The following DZIP3 variants were observed in gnomAD, a reference collection of about 807,000 sequenced individuals.
DZIP3 encodes E3 ubiquitin-protein ligase DZIP3.
A neutral mutation model predicts 162.0 loss-of-function variants in DZIP3; 118 were observed. The observed-to-expected ratio is 0.73, with a 90% CI of 0.63 to 0.85. DZIP3 has a LOEUF of 0.85. Ranked by LOEUF, DZIP3 falls within the 40% of genes least tolerant of loss-of-function variation. The probability of loss-of-function intolerance (pLI) is 0.00; values close to 1 mark genes in which losing one functional copy is unlikely to be tolerated. For missense variants in DZIP3, 1,331 were observed against 1,407.0 expected (o/e 0.95, Z 0.86); for synonymous variants, 438 against 458.6 (o/e 0.96, Z 0.57).
At chr3:108,673,849 C>A (rs957023241) in intron 23 of DZIP3, among the ~76,000 whole-genome samples, 2 of 151,902 alleles carry the variant, frequency 1.3e-5, no homozygotes, top group Non-Finnish European at 2.9e-5. Flanking sequence ...TTTGAAAAGA[C>A]ATGATCTGGA....
intron 29 of DZIP3, 132 bp downstream of exon 29, chr3:108,688,228 T>A: frequency 8.8e-7 from 1 of 1,136,960 alleles, no homozygotes; most frequent in Non-Finnish European, 1.2e-6. Flanking sequence ...CTATTAACAG[T>A]AAATAACAAC....
rs1452081019 is a variant in DZIP3, at chr3:108,694,118, CAG to C, written c.*767_*768del. ...GGGGAAGAATAAATGTTTCCTGACT[CAG>C]AAACAATTTTGCCTCCATATTTCAG... On this transcript the variant is annotated 3_prime_UTR_variant, in exon 33 of 33. Transcript: ENST00000361582. The C allele has an allele frequency of 6.6e-6, 1 of 152,042 alleles. No individual in the cohort carries two copies. Among genetic ancestry groups the C allele is most frequent in the Non-Finnish European group, 1.5e-5 (1 of 68,000 alleles). The allele number at this position is 152,042 out of a possible 1,614,324, so 9.4% of individuals were successfully genotyped here.
At chr3:108,660,693 C>T (rs1412418983) in intron 19 of DZIP3, among the ~76,000 whole-genome samples, 2 of 152,068 alleles carry the variant, frequency 1.3e-5, no homozygotes, top group Admixed American at 1.3e-4. Flanking sequence ...CCATCAGAGT[C>T]AACAGGCAAC....
chr3:108,612,241 A>G (rs1481464529), intron 4 of DZIP3, among the ~76,000 whole-genome samples: 1 of 152,274 alleles, frequency 6.6e-6, no homozygotes, highest in East Asian at 1.9e-4. Flanking sequence ...TGAGAAGGCT[A>G]CATTTGTCTT....
chr3:108,657,894 G>A (rs1475049979), intron 19 of DZIP3, among the ~76,000 whole-genome samples: 1 of 152,098 alleles, frequency 6.6e-6, no homozygotes, highest in East Asian at 1.9e-4. Flanking sequence ...AGACAAAGAA[G>A]GTCTTTACAT....
rs373711969 is a variant in DZIP3 at position 108,672,611 on chromosome 3, C to T, written c.2544C>T (p.Tyr848=). 1.7e-5 allele frequency: 28 copies of T among 1,611,644 alleles called. No homozygotes were observed. Among genetic ancestry groups the T allele is most frequent in the Admixed American group, 5.0e-5 (3 of 59,706 alleles). Residue 848 remains tyrosine (Y), a synonymous_variant, in exon 23 of 33, where the codon TAC becomes TAT. Coordinates refer to ENST00000361582, the MANE Select transcript of DZIP3 (RefSeq NM_014648.4). The part of the protein sequence containing the change: ...KHNLESTMKT[Y]VSKLNAETSR... Reference sequence around the variant, plus strand: ...ATCTGGAAAGCACAATGAAAACATACGTAAGCAAACTGAACGCAGAAACTA... The same window carrying T: ...ATCTGGAAAGCACAATGAAAACATATGTAAGCAAACTGAACGCAGAAACTA...
At chr3:108,608,785 A>G (rs1395627016) in intron 3 of DZIP3, among the ~76,000 whole-genome samples, 1 of 152,186 alleles carries the variant, frequency 6.6e-6, no homozygotes, top group Non-Finnish European at 1.5e-5. Flanking sequence ...CCTTCCACAT[A>G]GTTTTATATA....
chr3:108,684,111 G>A (rs1204241046), intron 26 of DZIP3, 105 bp from the exon 27 acceptor site: 2 of 1,302,288 alleles, frequency 1.5e-6, no homozygotes, highest in Admixed American at 2.5e-5. Flanking sequence ...TCAAATGAGT[G>A]TTCCCCCCGC....
chr3:108,687,832 T>G, intron 28 of DZIP3, 144 bp from the exon 29 acceptor site: 1 of 1,056,832 alleles, frequency 9.5e-7, no homozygotes, highest in Non-Finnish European at 1.4e-6. Flanking sequence ...TGTGATCACT[T>G]TTTTAGATCA....
chr3:108,620,983 G>A (rs1941304167), intron 5 of DZIP3, among the ~76,000 whole-genome samples: 1 of 151,982 alleles, frequency 6.6e-6, no homozygotes, highest in Non-Finnish European at 1.5e-5. Context: ...CACCACGCCT[G>A]GCTAATTTTT....
intron 1 of DZIP3, among the ~76,000 whole-genome samples, chr3:108,600,827 A>G (rs983631292): frequency 2.0e-5 from 3 of 152,104 alleles, no homozygotes; most frequent in East Asian, 1.9e-4. Flanking sequence ...TAGATAAGGA[A>G]TACCCTTACA....
At chr3:108,659,594 C>G (rs1943320599) in intron 19 of DZIP3, among the ~76,000 whole-genome samples, 2 of 151,944 alleles carry the variant, frequency 1.3e-5, no homozygotes, top group South Asian at 4.2e-4. Context: ...GGGATGCCCT[C>G]TCTCACCACT....
intron 16 of DZIP3, 108 bp from the exon 17 acceptor site, chr3:108,648,810 T>G (rs1942741689): frequency 1.9e-6 from 1 of 518,666 alleles, no homozygotes; most frequent in Non-Finnish European, 3.0e-6. Flanking sequence ...GAAATACCTA[T>G]AATATTAGAA....
At chr3:108,644,083 A>G in intron 13 of DZIP3, 81 bp from the exon 14 acceptor site, 2 of 1,453,802 alleles carry the variant, frequency 1.4e-6, no homozygotes, top group South Asian at 2.8e-5. Flanking sequence ...ATCCTACAGG[A>G]GCTTAGGATA....
intron 8 of DZIP3, among the ~76,000 whole-genome samples, chr3:108,629,608 A>G (rs1941735864): frequency 6.6e-6 from 1 of 152,022 alleles, no homozygotes; most frequent in Non-Finnish European, 1.5e-5. Context: ...ATTTTTATTT[A>G]TATCTGTCCA....
At chr3:108,685,741 A>C (rs368734845) in intron 27 of DZIP3, among the ~76,000 whole-genome samples, 302 of 152,290 alleles carry the variant, frequency 2.0e-3, no homozygotes, top group African/African-American at 6.2e-3. Context: ...CTTTCTCGTT[A>C]TAAAGGTATA....
intron 5 of DZIP3, among the ~76,000 whole-genome samples, chr3:108,623,583 G>A (rs543292254): frequency 1.2e-3 from 182 of 152,280 alleles, no homozygotes; most frequent in South Asian, 2.7e-3. Flanking sequence ...TCTCCCAGAC[G>A]TGTGAGTTGT....
chr3:108,690,873 C>T lies in DZIP3; in HGVS notation c.3603C>T (p.Pro1201=). 1.9e-6 allele frequency: 3 copies of T among 1,614,146 alleles called. No individual in the cohort carries two copies. Among genetic ancestry groups the T allele is most frequent in the Non-Finnish European group, 2.5e-6 (3 of 1,179,992 alleles). Residue 1201 remains proline, a synonymous_variant, in exon 32 of 33, where the codon CCC becomes CCT. Transcript: ENST00000361582. ...VLLPEEFPGH[P]SRQLPKI The stretch of plus-strand genomic sequence containing the variant: ...TACCAGAAGAATTCCCTGGTCACCC[C>T]AGCCGGCAGTTGCCCAAGATCTGAT...
At chr3:108,680,722 T>C (rs1455701197) in intron 26 of DZIP3, among the ~76,000 whole-genome samples, 1 of 151,950 alleles carries the variant, frequency 6.6e-6, no homozygotes, top group African/African-American at 2.4e-5. Flanking sequence ...ATCACCTCTC[T>C]TTAGTTAGAA....
Sources: allele counts gnomAD v4.1 joint callset (sites outside exome capture counted in the v4.1 genomes callset), GRCh38; gene constraint gnomAD v4.1.1; transcripts MANE v1.5; gene names NCBI Gene and HGNC (gene_info 2026-07-23, HGNC 2026-07-21).